The following CNTNAP2 variants were observed in gnomAD, a reference collection of about 807,000 sequenced individuals.
The protein encoded by CNTNAP2 is contactin associated protein 2.
Under a neutral mutation model 155.2 loss-of-function variants are expected in CNTNAP2, and 98 were observed. The ratio of observed to expected loss-of-function variants is 0.63; its 90% CI spans 0.54 to 0.75. CNTNAP2 has a LOEUF of 0.75. CNTNAP2 is among the 30% of genes least tolerant of loss of function. The pLI is 0.00. For synonymous variants in CNTNAP2, 651 were observed against 631.2 expected, an observed-to-expected ratio of 1.03 and a Z score of -0.47; for missense variants, 1,727 against 1,688.1, an observed-to-expected ratio of 1.02 and a Z score of -0.40.
At position 147,108,234 on chromosome 7, in the gene CNTNAP2, C is replaced by T. The variant is rs1563079216; in HGVS notation, c.638C>T (p.Ala213Val). Residue 213 changes from alanine (A) to valine (V), a missense_variant, in exon 5 of 24, where the codon GCC (alanine) becomes GTC (valine). Physicochemically the swap from Ala to Val is moderately conservative, Grantham distance 64 (BLOSUM62 0). Transcript: ENST00000361727. ...KKMKTLKDVI[A>V]LNFKTSESEG... The stretch of plus-strand genomic sequence containing the variant: ...ATGAAAACACTGAAAGATGTCATTG[C>T]CTTGAACTTTAAGACGTCTGAAAGT... 6.2e-7 allele frequency: 1 copy of T among 1,613,476 alleles called. No homozygotes were observed.
At chr7:146,905,461 C>T (rs781121719) in intron 3 of CNTNAP2, among the ~76,000 whole-genome samples, 7 of 152,104 alleles carry the variant, frequency 4.6e-5, no homozygotes, top group South Asian at 4.1e-4. Context: ...CATCCTCTTA[C>T]GAGTTGGTTC....
intron 16 of CNTNAP2, among the ~76,000 whole-genome samples, chr7:148,141,744 A>G (rs563465990): frequency 2.9e-4 from 44 of 152,322 alleles, no homozygotes; most frequent in South Asian, 2.1e-3. Context: ...GACAGCTGAG[A>G]GCGAAGTTTG....
chr7:147,637,359 G>C (rs1795196651), intron 12 of CNTNAP2, among the ~76,000 whole-genome samples: 1 of 152,114 alleles, frequency 6.6e-6, no homozygotes, highest in South Asian at 2.1e-4. Flanking sequence ...GAGCAGAGAG[G>C]ATTCATGGGC....
chr7:147,209,461 G>A (rs1020225052), intron 8 of CNTNAP2, among the ~76,000 whole-genome samples: 34 of 151,844 alleles, frequency 2.2e-4, no homozygotes, highest in African/African-American at 7.7e-4. Flanking sequence ...AAACTTTATC[G>A]AATTAGTTAT....
intron 15 of CNTNAP2, among the ~76,000 whole-genome samples, chr7:148,090,877 A>G (rs1276552623): frequency 2.0e-5 from 3 of 152,106 alleles, no homozygotes; most frequent in African/African-American, 7.2e-5. Context: ...TAAAGAAAAT[A>G]TGGTATATAT....
chr7:146,637,502 A>G (rs1175147299), intron 1 of CNTNAP2, among the ~76,000 whole-genome samples: 4 of 152,112 alleles, frequency 2.6e-5, no homozygotes, highest in African/African-American at 7.2e-5. Context: ...CACCTAGTTC[A>G]CTTCAATAGT....
At chr7:147,076,918 C>T (rs1370415469) in intron 4 of CNTNAP2, among the ~76,000 whole-genome samples, 1 of 152,114 alleles carries the variant, frequency 6.6e-6, no homozygotes, top group Non-Finnish European at 1.5e-5. Context: ...TTTTAATGGA[C>T]GTTGCTACAA....
chr7:146,865,626 T>C (rs1795190011), intron 3 of CNTNAP2, among the ~76,000 whole-genome samples: 2 of 152,230 alleles, frequency 1.3e-5, no homozygotes, highest in South Asian at 4.1e-4. Flanking sequence ...CTTCACATTC[T>C]ACACAAAAAT....
At chr7:146,929,201 A>G (rs1389734596) in intron 3 of CNTNAP2, among the ~76,000 whole-genome samples, 1 of 152,196 alleles carries the variant, frequency 6.6e-6, no homozygotes, top group African/African-American at 2.4e-5. Context: ...GTAGGGGCAG[A>G]CTGACACCTC....
chr7:147,188,961 C>T (rs1368105418), intron 8 of CNTNAP2, among the ~76,000 whole-genome samples: 1 of 152,090 alleles, frequency 6.6e-6, no homozygotes, highest in Non-Finnish European at 1.5e-5. Context: ...TAAAGGAATC[C>T]AAATAACTCC....
Position 147,108,155 on chromosome 7 carries a change from G to A in CNTNAP2, c.559G>A (p.Val187Ile). The change falls in exon 5 of 24, where the codon GTT (valine) becomes ATT (isoleucine). Residue 187 changes from valine to isoleucine, a missense_variant. By Grantham distance (29) the Val-to-Ile change is conservative (BLOSUM62 3). Transcript: ENST00000361727. ...TTTTTTTTTTGTTTTAGGGGCTGAT[G>A]TTATCAACTTTGATGGCCATGTTGT... ...EVYGCSYWAD[V>I]INFDGHVVLP... The A allele has an allele frequency of 6.2e-7, 1 of 1,612,716 alleles. No individual in the cohort carries two copies. Among genetic ancestry groups the A allele is most frequent in the Non-Finnish European group, 8.5e-7 (1 of 1,179,358 alleles).
intron 4 of CNTNAP2, among the ~76,000 whole-genome samples, chr7:147,083,948 CATTATAT>C (rs1800208236): frequency 1.1e-5 from 1 of 92,502 alleles, no homozygotes; most frequent in Non-Finnish European, 2.4e-5. Flanking sequence ...TATTATATAG[CATTATAT>C]ATAGCATTAT....
At chr7:148,331,150 A>G (rs1271301145) in intron 21 of CNTNAP2, among the ~76,000 whole-genome samples, 1 of 145,600 alleles carries the variant, frequency 6.9e-6, no homozygotes, top group Non-Finnish European at 1.5e-5. Flanking sequence ...GATGGAGTGG[A>G]CAGATGGAAT....
chr7:146,635,279 C>T (rs958782867), intron 1 of CNTNAP2, among the ~76,000 whole-genome samples: 1 of 152,168 alleles, frequency 6.6e-6, no homozygotes. Context: ...TCCATATTGG[C>T]TCTAAGAAAC....
At chr7:148,349,356 A>G (rs1337906381) in intron 21 of CNTNAP2, among the ~76,000 whole-genome samples, 2 of 151,824 alleles carry the variant, frequency 1.3e-5, no homozygotes. Flanking sequence ...CGTAAAACAC[A>G]CTAACACTAA....
intron 5 of CNTNAP2, among the ~76,000 whole-genome samples, chr7:147,113,995 G>A (rs1260431695): frequency 6.6e-6 from 1 of 152,186 alleles, no homozygotes; most frequent in Non-Finnish European, 1.5e-5. Context: ...CTGCATCCCA[G>A]AGATTCTGGT....
At chr7:147,557,545 CT>C (rs1009364396) in intron 11 of CNTNAP2, among the ~76,000 whole-genome samples, 5 of 152,090 alleles carry the variant, frequency 3.3e-5, no homozygotes, top group Non-Finnish European at 7.3e-5. Context: ...GGTTCAGACC[CT>C]TCTGTTTCTT....
At chr7:146,290,644 C>T (rs1054326172) in intron 1 of CNTNAP2, among the ~76,000 whole-genome samples, 4 of 152,138 alleles carry the variant, frequency 2.6e-5, no homozygotes, top group Non-Finnish European at 4.4e-5. Flanking sequence ...GAAGTCAGTT[C>T]TACTGTAAAG....
intron 15 of CNTNAP2, among the ~76,000 whole-genome samples, chr7:148,077,387 G>A (rs1039027165): frequency 6.6e-6 from 1 of 151,876 alleles, no homozygotes; most frequent in Admixed American, 6.6e-5. Context: ...TTCTACATGT[G>A]TTTCTATCTG....
Sources: gnomAD v4.1 joint callset for allele counts (sites outside exome capture counted in the v4.1 genomes callset) on GRCh38, gnomAD v4.1.1 for gene constraint, MANE v1.5 for transcripts, NCBI Gene and HGNC (gene_info 2026-07-23, HGNC 2026-07-21) for gene names.